The following KCTD8 variants were observed in gnomAD, a reference collection of about 807,000 sequenced individuals.
KCTD8 encodes the protein potassium channel tetramerization domain containing 8.
Under a neutral mutation model 31.5 loss-of-function variants are expected in KCTD8, and 27 were observed. That is an observed-to-expected ratio of 0.86 (90% CI 0.63 to 1.18). KCTD8 has a LOEUF of 1.18. KCTD8 is among the 50% of genes most tolerant of loss of function. KCTD8 has a pLI of 0.00. For synonymous variants in KCTD8, 290 were observed against 280.0 expected (o/e 1.04, Z -0.36); for missense variants, 658 against 647.7 (o/e 1.02, Z -0.17).
chr4:44,287,386 C>T (rs184934455), intron 1 of KCTD8, among the ~76,000 whole-genome samples: 6 of 152,078 alleles, frequency 3.9e-5, no homozygotes, highest in Admixed American at 3.3e-4. Flanking sequence ...ATTATTTAAG[C>T]GTATGTTGAT....
intron 1 of KCTD8, among the ~76,000 whole-genome samples, chr4:44,267,909 C>T (rs1716440693): frequency 1.3e-5 from 2 of 152,126 alleles, no homozygotes; most frequent in African/African-American, 2.4e-5. Flanking sequence ...CAATAGCTTA[C>T]CAACCAAAAA....
intron 1 of KCTD8, among the ~76,000 whole-genome samples, chr4:44,277,055 A>T (rs1716770465): frequency 6.6e-6 from 1 of 151,870 alleles, no homozygotes; most frequent in Admixed American, 6.6e-5. Context: ...TTATTCTGAA[A>T]ATTAAATGAA....
At chr4:44,233,436 T>C (rs762800464) in intron 1 of KCTD8, among the ~76,000 whole-genome samples, 1 of 152,184 alleles carries the variant, frequency 6.6e-6, no homozygotes, top group Non-Finnish European at 1.5e-5. Flanking sequence ...CAATGATGCA[T>C]GGTGTTCCAG....
chr4:44,305,162 A>G (rs1283056127), intron 1 of KCTD8, among the ~76,000 whole-genome samples: 1 of 152,038 alleles, frequency 6.6e-6, no homozygotes, highest in Non-Finnish European at 1.5e-5. Flanking sequence ...TTCAGTATGC[A>G]TATTAAAATC....
intron 1 of KCTD8, among the ~76,000 whole-genome samples, chr4:44,179,295 G>A (rs560551324): frequency 5.9e-5 from 9 of 151,686 alleles, no homozygotes; most frequent in African/African-American, 2.2e-4. Context: ...GTCTATTAAA[G>A]AATAGTATTT....
chr4:44,231,522 T>C (rs1253173068), intron 1 of KCTD8, among the ~76,000 whole-genome samples: 1 of 152,206 alleles, frequency 6.6e-6, no homozygotes, highest in Non-Finnish European at 1.5e-5. Context: ...TTCATCCTAT[T>C]TTCTCAAAAA....
chr4:44,408,300 A>G (rs1225037897), intron 1 of KCTD8, among the ~76,000 whole-genome samples: 1 of 152,208 alleles, frequency 6.6e-6, no homozygotes, highest in Non-Finnish European at 1.5e-5. Flanking sequence ...AAATATAATC[A>G]TGAAATAGTT....
intron 1 of KCTD8, among the ~76,000 whole-genome samples, chr4:44,430,245 C>T (rs1198448893): frequency 2.6e-5 from 4 of 151,410 alleles, no homozygotes; most frequent in Admixed American, 6.6e-5. Context: ...GCTAAATGGT[C>T]CCCATTAGAG....
At chr4:44,379,394 G>A (rs528145546) in intron 1 of KCTD8, among the ~76,000 whole-genome samples, 10 of 152,184 alleles carry the variant, frequency 6.6e-5, no homozygotes, top group Non-Finnish European at 8.8e-5. Context: ...GAATTAGAGC[G>A]CACCAAGTGA....
At chr4:44,252,149 T>C (rs1715857192) in intron 1 of KCTD8, among the ~76,000 whole-genome samples, 1 of 151,828 alleles carries the variant, frequency 6.6e-6, no homozygotes, top group Admixed American at 6.6e-5. Flanking sequence ...CTTAGAATAA[T>C]GCTCTCCAAT....
chr4:44,215,340 A>C (rs1353122618), intron 1 of KCTD8, among the ~76,000 whole-genome samples: 1 of 152,204 alleles, frequency 6.6e-6, no homozygotes, highest in Non-Finnish European at 1.5e-5. Flanking sequence ...TTTTCTATTT[A>C]AAAATATAGA....
At chr4:44,428,106 A>G (rs1470071761) in intron 1 of KCTD8, among the ~76,000 whole-genome samples, 1 of 151,746 alleles carries the variant, frequency 6.6e-6, no homozygotes, top group Non-Finnish European at 1.5e-5. Flanking sequence ...GATGGAAATT[A>G]GTTTGTCCAA....
At chr4:44,212,760 G>GA (rs1714529321) in intron 1 of KCTD8, among the ~76,000 whole-genome samples, 1 of 151,942 alleles carries the variant, frequency 6.6e-6, no homozygotes, top group South Asian at 2.1e-4. Context: ...TTGTTTAGTT[G>GA]GAATTTCATG....
At chr4:44,444,487 A>G (rs1721891087) in intron 1 of KCTD8, among the ~76,000 whole-genome samples, 1 of 152,260 alleles carries the variant, frequency 6.6e-6, no homozygotes, top group Non-Finnish European at 1.5e-5. Flanking sequence ...TTACTATAAA[A>G]CAAAATTAAA....
chr4:44,385,343 TAAAG>T (rs1226091273), intron 1 of KCTD8, among the ~76,000 whole-genome samples: 1 of 151,658 alleles, frequency 6.6e-6, no homozygotes, highest in Non-Finnish European at 1.5e-5. Flanking sequence ...GATACTGGCA[TAAAG>T]ATAGACATAT....
intron 1 of KCTD8, among the ~76,000 whole-genome samples, chr4:44,411,391 A>C (rs1248064809): frequency 6.6e-6 from 1 of 151,812 alleles, no homozygotes; most frequent in Non-Finnish European, 1.5e-5. Context: ...AAAAAAAAAA[A>C]AAAAAAAAAA....
intron 1 of KCTD8, among the ~76,000 whole-genome samples, chr4:44,190,736 C>T (rs1252790636): frequency 6.6e-6 from 1 of 152,062 alleles, no homozygotes; most frequent in Non-Finnish European, 1.5e-5. Context: ...ACTAAGTCCC[C>T]CAATCCCAAC....
intron 1 of KCTD8, among the ~76,000 whole-genome samples, chr4:44,317,534 C>CATTT (rs1560424813): frequency 3.5e-5 from 5 of 141,126 alleles, no homozygotes; most frequent in African/African-American, 1.6e-4. Flanking sequence ...CCACCGCGCC[C>CATTT]GGCCCGGGTG....
At chr4:44,288,868 A>G (rs1401615747) in intron 1 of KCTD8, among the ~76,000 whole-genome samples, 1 of 152,042 alleles carries the variant, frequency 6.6e-6, no homozygotes, top group South Asian at 2.1e-4. Flanking sequence ...AAAGGCAGGT[A>G]ACAATCCTTG....
Sources: allele counts gnomAD v4.1 joint callset (sites outside exome capture counted in the v4.1 genomes callset), GRCh38; gene constraint gnomAD v4.1.1; transcripts MANE v1.5; gene names NCBI Gene and HGNC (gene_info 2026-07-23, HGNC 2026-07-21).